The following DNM3 variants were observed in gnomAD, a reference collection of about 807,000 sequenced individuals.
The protein encoded by DNM3 is dynamin-3.
DNM3 carries 47 observed loss-of-function variants against 101.6 expected under a neutral mutation model. That is an observed-to-expected ratio of 0.46 (90% confidence interval 0.37 to 0.59). The LOEUF (loss-of-function observed/expected upper bound fraction) is 0.59, where lower values mean the gene tolerates loss of function less well. Among genes scored for constraint, DNM3 ranks in the 20% least tolerant of loss-of-function variants. DNM3 has a pLI of 0.00. For missense variants in DNM3, 849 were observed against 1,085.7 expected, an observed-to-expected ratio of 0.78 and a Z score of 3.06; for synonymous variants, 385 against 387.9, an observed-to-expected ratio of 0.99 and a Z score of 0.09.
chr1:172,150,170 T>G (rs1394422090), intron 14 of DNM3, among the ~76,000 whole-genome samples: 1 of 152,158 alleles, frequency 6.6e-6, no homozygotes, highest in Admixed American at 6.6e-5. Context: ...CTGTTCAGTT[T>G]CCAGAGAATT....
chr1:172,008,654 C>T (rs1208596900), intron 4 of DNM3, among the ~76,000 whole-genome samples: 2 of 149,118 alleles, frequency 1.3e-5, no homozygotes, highest in Admixed American at 1.4e-4. Context: ...TATGTAATTA[C>T]TCCAGTACCA....
intron 16 of DNM3, among the ~76,000 whole-genome samples, chr1:172,318,583 T>A (rs2065518512): frequency 1.3e-5 from 2 of 152,096 alleles, no homozygotes; most frequent in Non-Finnish European, 2.9e-5. Context: ...AGCATTCTTA[T>A]ACACCAATAA....
rs989736835 is a variant in DNM3 at position 171,996,922 on chromosome 1, C to T, written c.589+7774C>T. Among the ~76,000 whole-genome samples the T allele has an allele frequency of 3.3e-5, 5 of 151,990 alleles. No individual in the cohort carries two copies. In the East Asian group the frequency reaches 9.7e-4, roughly 30 times the overall value. On this transcript the variant is annotated intron_variant, in intron 4 of 20. Coordinates refer to ENST00000627582, the MANE Select transcript of DNM3 (RefSeq NM_015569.5). ...TGGCGCATGCCTGTAGTCCCACCTA[C>T]TTGGGAGACTAAAGTGGGAGGATTA... is the stretch of plus-strand genomic sequence containing the variant.
At chr1:171,965,014 C>CT (rs1415932784) in intron 2 of DNM3, among the ~76,000 whole-genome samples, 3 of 152,146 alleles carry the variant, frequency 2.0e-5, no homozygotes, top group Admixed American at 6.6e-5. Flanking sequence ...AATTCTGACA[C>CT]TAACTATTCA....
Position 172,157,375 on chromosome 1 carries a change from C to T in DNM3, c.1659+26087C>T, listed in dbSNP as rs1371352136. The stretch of plus-strand genomic sequence containing the variant: ...AGCTATAAATATGTATGGCCTGGTT[C>T]TTAACAGGCCAAGGACTGGTACTGC... On this transcript the variant is annotated intron_variant, in intron 14 of 20. Transcript: ENST00000627582. Among the ~76,000 whole-genome samples, 3 of 152,042 alleles carry T rather than the reference C, an allele frequency of 2.0e-5. No homozygotes were observed. In the East Asian group the frequency reaches 5.8e-4, roughly 29 times the overall value.
intron 3 of DNM3, among the ~76,000 whole-genome samples, chr1:171,988,463 G>A (rs1282014086): frequency 1.3e-5 from 2 of 151,958 alleles, no homozygotes; most frequent in Admixed American, 1.3e-4. Flanking sequence ...TGTTTGTACA[G>A]CTGATTCAGT....
chr1:171,924,968 C>T (rs1021730073), intron 2 of DNM3, among the ~76,000 whole-genome samples: 12 of 151,076 alleles, frequency 7.9e-5, no homozygotes, highest in African/African-American at 1.7e-4. Context: ...GGCGGGATCT[C>T]GGCTCGCTGC....
chr1:172,359,414 G>C (rs1360835979), intron 17 of DNM3, among the ~76,000 whole-genome samples: 1 of 151,802 alleles, frequency 6.6e-6, no homozygotes, highest in Non-Finnish European at 1.5e-5. Context: ...AGAGAATCAG[G>C]GAGCCCTATA....
At chr1:172,314,832 A>G (rs1390835899) in intron 16 of DNM3, among the ~76,000 whole-genome samples, 2 of 152,204 alleles carry the variant, frequency 1.3e-5, no homozygotes, top group Non-Finnish European at 2.9e-5. Context: ...ACAAAAAGAC[A>G]GCAGTAACCT....
At chr1:172,229,744 C>T (rs914180640) in intron 14 of DNM3, among the ~76,000 whole-genome samples, 15 of 151,852 alleles carry the variant, frequency 9.9e-5, no homozygotes, top group African/African-American at 2.2e-4. Flanking sequence ...AAAACATACA[C>T]GCACGCCACA....
intron 14 of DNM3, chr1:172,139,883 T>C (rs2057473376): frequency 6.6e-6 from 1 of 152,104 alleles, no homozygotes; most frequent in South Asian, 2.1e-4. Flanking sequence ...TAATTCTATT[T>C]TAATATCAAT....
intron 1 of DNM3, 118 bp downstream of exon 1, chr1:171,841,935 TG>T (rs1240799242): frequency 2.2e-5 from 10 of 445,954 alleles, no homozygotes; most frequent in East Asian, 1.8e-4. Context: ...TGCGGTGGAA[TG>T]GGGGGCAGAG....
At chr1:172,058,715 T>G (rs2125901836) in intron 10 of DNM3, among the ~76,000 whole-genome samples, 1 of 151,912 alleles carries the variant, frequency 6.6e-6, no homozygotes, top group African/African-American at 2.4e-5. Context: ...GGGAAATTTA[T>G]AGCACTAAAT....
At chr1:172,050,522 A>G (rs1401350226) in intron 10 of DNM3, among the ~76,000 whole-genome samples, 2 of 152,218 alleles carry the variant, frequency 1.3e-5, no homozygotes, top group Non-Finnish European at 2.9e-5. Context: ...TTTTGTTTCT[A>G]TGAAAACTAA....
At chr1:172,126,799 T>C (rs1410979730) in intron 13 of DNM3, among the ~76,000 whole-genome samples, 1 of 152,068 alleles carries the variant, frequency 6.6e-6, no homozygotes, top group Non-Finnish European at 1.5e-5. Context: ...CCTGACCTTA[T>C]TTCTCTGCTT....
At chr1:171,865,439 C>T in intron 1 of DNM3, among the ~76,000 whole-genome samples, 1 of 144,228 alleles carries the variant, frequency 6.9e-6, no homozygotes, top group Non-Finnish European at 1.5e-5. Flanking sequence ...TCTCTTGAGA[C>T]TGGGAGGTCG....
rs633134 is a variant in DNM3, at chr1:172,145,486, A to G, written c.1659+14198A>G. ...CAGCTTGCAGGCTGCTCTAGACTTG[A>G]ACAGTAATTATAGCAACTTCCTGAA... On this transcript the variant is annotated intron_variant, in intron 14 of 20. Coordinates refer to ENST00000627582, the MANE Select transcript of DNM3 (RefSeq NM_015569.5). Among the ~76,000 whole-genome samples the G allele has an allele frequency of 1.6e-3, 245 of 151,698 alleles. 1 individual carries two copies. The highest frequency in any genetic ancestry group is 5.7e-3 in the African/African-American group (236 of 41,354).
intron 14 of DNM3, among the ~76,000 whole-genome samples, chr1:172,179,696 G>A (rs1572849106): frequency 6.6e-6 from 1 of 151,790 alleles, no homozygotes; most frequent in African/African-American, 2.4e-5. Context: ...TTATTTTCCA[G>A]CATAGTTTTG....
chr1:172,140,846 C>A (rs1380374889), intron 14 of DNM3, among the ~76,000 whole-genome samples: 1 of 151,906 alleles, frequency 6.6e-6, no homozygotes, highest in Non-Finnish European at 1.5e-5. Flanking sequence ...TTATGTTGAA[C>A]CTGCCCCTAA....
Sources: gnomAD v4.1 joint callset for allele counts (sites outside exome capture counted in the v4.1 genomes callset) on GRCh38, gnomAD v4.1.1 for gene constraint, MANE v1.5 for transcripts, NCBI Gene and HGNC (gene_info 2026-07-23, HGNC 2026-07-21) for gene names.